PAM: variants seen among roughly 807,000 people sequenced by gnomAD.
PAM encodes peptidylglycine alpha-amidating monooxygenase.
A neutral mutation model predicts 122.1 loss-of-function variants in PAM; 72 were observed. That is an observed-to-expected ratio of 0.59 (90% confidence interval 0.49 to 0.72). The LOEUF (loss-of-function observed/expected upper bound fraction) is 0.72. PAM is among the 30% of genes least tolerant of loss of function. PAM has a pLI of 0.00. For synonymous variants in PAM, 389 were observed against 404.4 expected (o/e 0.96, Z 0.46); for missense variants, 1,106 against 1,183.7 (o/e 0.93, Z 0.96).
chr5:102,979,573 C>T (rs1450182911), intron 15 of PAM, among the ~76,000 whole-genome samples: 1 of 151,918 alleles, frequency 6.6e-6, no homozygotes, highest in African/African-American at 2.4e-5. Flanking sequence ...ATGTGAAGAG[C>T]CTTGTTACAC....
intron 12 of PAM, among the ~76,000 whole-genome samples, chr5:102,959,322 G>A (rs1212319516): frequency 2.0e-5 from 3 of 151,940 alleles, no homozygotes; most frequent in Non-Finnish European, 2.9e-5. Context: ...TGTCTTAGTG[G>A]GGACACATGA....
chr5:102,782,289 A>G (rs1483720095), intron 1 of PAM, among the ~76,000 whole-genome samples: 1 of 152,228 alleles, frequency 6.6e-6, no homozygotes. Context: ...GAACTCTGGT[A>G]TGAAGTTCAT....
chr5:102,985,549 AAGAAAT>A (rs1474235950), intron 15 of PAM, among the ~76,000 whole-genome samples: 2 of 152,120 alleles, frequency 1.3e-5, no homozygotes, highest in African/African-American at 4.8e-5. Flanking sequence ...TTGAACTAGA[AAGAAAT>A]AGAAAACCCG....
intron 1 of PAM, among the ~76,000 whole-genome samples, chr5:102,774,768 A>C (rs1430899893): frequency 6.6e-6 from 1 of 151,954 alleles, no homozygotes; most frequent in Non-Finnish European, 1.5e-5. Context: ...TTTGCAATTC[A>C]TTTTGTCTCT....
chr5:102,795,417 G>A (rs755888452), intron 1 of PAM, among the ~76,000 whole-genome samples: 1 of 152,132 alleles, frequency 6.6e-6, no homozygotes, highest in Non-Finnish European at 1.5e-5. Flanking sequence ...TACTGGTGAT[G>A]CCGTTTTTGG....
intron 1 of PAM, among the ~76,000 whole-genome samples, chr5:102,765,170 G>A (rs747004238): frequency 2.6e-5 from 4 of 152,022 alleles, no homozygotes; most frequent in Non-Finnish European, 5.9e-5. Flanking sequence ...TACTTTTAAA[G>A]TGCCACCATT....
intron 3 of PAM, among the ~76,000 whole-genome samples, chr5:102,875,376 T>A (rs1788824787): frequency 6.6e-6 from 1 of 152,044 alleles, no homozygotes; most frequent in African/African-American, 2.4e-5. Context: ...TTATTTCTTT[T>A]AGAGATGAGG....
Position 103,017,367 on chromosome 5 carries a change from G to A in PAM, c.2365G>A (p.Glu789Lys), listed in dbSNP as rs1168411599. The change falls in exon 22 of 26, where the codon GAA (glutamate) becomes AAA (lysine). Residue 789 changes from glutamate to lysine, a missense_variant. By Grantham distance (56) the Glu-to-Lys change is moderately conservative. Coordinates refer to ENST00000438793, the MANE Select transcript of PAM (RefSeq NM_001177306.2). ...TATGCCTCATGATATTGTTGCATCT[G>A]AAGATGGGACTGTGTACATTGGAGA... ...FDMPHDIVAS[E>K]DGTVYIGDAH... 6.2e-7 allele frequency: 1 copy of A among 1,612,054 alleles called. No homozygotes were observed. The highest frequency in any genetic ancestry group is 8.5e-7 in the Non-Finnish European group (1 of 1,178,372).
chr5:102,878,059 G>T lies in PAM; in HGVS notation c.210+10666G>T, dbSNP rs547205685. Among the ~76,000 whole-genome samples the T allele has an allele frequency of 2.3e-3, 346 of 151,834 alleles. 1 individual carries two copies. Among genetic ancestry groups the T allele is most frequent in the African/African-American group, 7.8e-3 (323 of 41,438 alleles). ...AAAGAAAAAAAATTCAGTGAAGTTGGTTAAAATCTCTATATATAATTATAA... is the reference window on the plus strand; with the variant it reads ...AAAGAAAAAAAATTCAGTGAAGTTGTTTAAAATCTCTATATATAATTATAA... On this transcript the variant is annotated intron_variant, in intron 3 of 25. Coordinates refer to ENST00000438793, the MANE Select transcript of PAM (RefSeq NM_001177306.2).
At chr5:102,825,680 A>G (rs145576207) in intron 1 of PAM, among the ~76,000 whole-genome samples, 3 of 152,238 alleles carry the variant, frequency 2.0e-5, no homozygotes, top group Admixed American at 6.5e-5. Context: ...GTGAGATTCT[A>G]TCCGTACAAA....
chr5:102,852,344 A>G (rs1254405092), intron 1 of PAM, among the ~76,000 whole-genome samples: 2 of 152,202 alleles, frequency 1.3e-5, no homozygotes, highest in East Asian at 1.9e-4. Context: ...AATAAATATG[A>G]AAAAAGAATA....
intron 1 of PAM, among the ~76,000 whole-genome samples, chr5:102,802,557 T>A (rs1218117426): frequency 6.6e-6 from 1 of 152,116 alleles, no homozygotes; most frequent in Non-Finnish European, 1.5e-5. Context: ...TAGAATACTT[T>A]CATAGCACAT....
intron 1 of PAM, among the ~76,000 whole-genome samples, chr5:102,822,176 C>G (rs1190364496): frequency 6.6e-6 from 1 of 152,184 alleles, no homozygotes; most frequent in Non-Finnish European, 1.5e-5. Context: ...TGAGCACTTT[C>G]ATTTTGCATC....
At chr5:102,779,238 G>GTGTATATATATATATATATGTATA (rs200108807) in intron 1 of PAM, among the ~76,000 whole-genome samples, 1 of 149,164 alleles carries the variant, frequency 6.7e-6, no homozygotes, top group South Asian at 2.1e-4. Context: ...ATATATATGT[G>GTGTATATATATATATATATGTATA]TATATATATA....
intron 15 of PAM, chr5:102,989,791 A>ATAGGT (rs1562156870): frequency 3.6e-5 from 3 of 83,750 alleles, no homozygotes; most frequent in African/African-American, 1.6e-4. Context: ...TCAGGAGATG[A>ATAGGT]TAGATTAGAT....
intron 1 of PAM, among the ~76,000 whole-genome samples, chr5:102,769,080 T>C (rs779887960): frequency 6.6e-6 from 1 of 152,192 alleles, no homozygotes; most frequent in African/African-American, 2.4e-5. Context: ...TAGTTTTTAT[T>C]TGCATTTCTC....
intron 22 of PAM, 59 bp from the exon 23 acceptor site, chr5:103,019,731 T>G: frequency 2.6e-6 from 3 of 1,135,156 alleles, no homozygotes; most frequent in Non-Finnish European, 4.0e-6. Context: ...CAAAGTTAAA[T>G]TTTCAAATGT....
At chr5:102,917,565 C>G (rs1745864346) in intron 5 of PAM, among the ~76,000 whole-genome samples, 1 of 152,168 alleles carries the variant, frequency 6.6e-6, no homozygotes, top group Non-Finnish European at 1.5e-5. Flanking sequence ...ATCAAAATGT[C>G]AAACTTGGAT....
intron 1 of PAM, among the ~76,000 whole-genome samples, chr5:102,779,922 C>CACATATATATATGT (rs1758256976): frequency 1.3e-5 from 1 of 74,514 alleles, no homozygotes; most frequent in Non-Finnish European, 2.7e-5. Flanking sequence ...TATATATACA[C>CACATATATATATGT]ACATATATAT....
Sources: allele counts gnomAD v4.1 joint callset (sites outside exome capture counted in the v4.1 genomes callset), GRCh38; gene constraint gnomAD v4.1.1; transcripts MANE v1.5; gene names NCBI Gene and HGNC (gene_info 2026-07-23, HGNC 2026-07-21).